Variants in SLC9A2 observed in about 807,000 individuals in gnomAD.
SLC9A2 encodes the protein solute carrier family 9 member A2.
In SLC9A2, 42 loss-of-function variants were observed where a neutral mutation model predicts 71.7. That is an observed-to-expected ratio of 0.59 (90% CI 0.46 to 0.76). The LOEUF is 0.76. Among genes scored for constraint, SLC9A2 ranks in the 30% least tolerant of loss-of-function variants. SLC9A2 has a pLI of 0.00. For missense variants in SLC9A2, 829 were observed against 1,017.4 expected (o/e 0.81, Z 2.52); for synonymous variants, 396 against 392.5 (o/e 1.01, Z -0.10).
rs1181531432 is a variant in SLC9A2 at position 102,619,709 on chromosome 2, G to C, written c.-140G>C. The C allele has an allele frequency of 1.5e-6, 1 of 686,498 alleles. No homozygotes were observed. Among genetic ancestry groups the C allele is most frequent in the East Asian group, 3.4e-5 (1 of 29,448 alleles). The allele number at this position is 686,498 out of a possible 1,614,324, so 42.5% of individuals were successfully genotyped here. On this transcript the variant is annotated 5_prime_UTR_variant, in exon 1 of 12. Coordinates refer to ENST00000233969, the MANE Select transcript of SLC9A2 (RefSeq NM_003048.6). This position sits in a 1 kb window ranked among gnomAD's most constrained non-coding sequence, Gnocchi z 4.3. ...CCTAGCCCTCTGGTTGCAGAGACCC[G>C]GTGCCGCAGCAGCGGCGGGTGGCTG...
intron 3 of SLC9A2, among the ~76,000 whole-genome samples, chr2:102,677,311 C>A (rs1677361444): frequency 6.6e-6 from 1 of 151,968 alleles, no homozygotes; most frequent in Admixed American, 6.6e-5. Flanking sequence ...AAAAAAAACT[C>A]TTTTGAGGTA....
At chr2:102,639,051 G>A (rs1360441390) in intron 1 of SLC9A2, among the ~76,000 whole-genome samples, 1 of 152,174 alleles carries the variant, frequency 6.6e-6, no homozygotes, top group Non-Finnish European at 1.5e-5. Flanking sequence ...AGATGTGCTG[G>A]TGTGCACCTG....
chr2:102,668,008 A>T (rs1053822843), intron 3 of SLC9A2, among the ~76,000 whole-genome samples: 1 of 152,124 alleles, frequency 6.6e-6, no homozygotes, highest in Non-Finnish European at 1.5e-5. Flanking sequence ...TGGGAAGTGG[A>T]GGTTGCAGTG....
chr2:102,643,628 T>A (rs2104509793), intron 1 of SLC9A2, among the ~76,000 whole-genome samples: 1 of 152,354 alleles, frequency 6.6e-6, no homozygotes, highest in African/African-American at 2.4e-5. Flanking sequence ...TCTTCTGCTA[T>A]CTTTCAGAGT....
chr2:102,653,859 T>C (rs1350871319), intron 1 of SLC9A2, among the ~76,000 whole-genome samples: 2 of 152,186 alleles, frequency 1.3e-5, no homozygotes, highest in Non-Finnish European at 1.5e-5. Flanking sequence ...TTCTTACATA[T>C]AGGAGGGGAA....
chr2:102,653,790 G>C (rs1676880197), intron 1 of SLC9A2, among the ~76,000 whole-genome samples: 1 of 152,172 alleles, frequency 6.6e-6, no homozygotes, highest in South Asian at 2.1e-4. Context: ...CCATTTTCCT[G>C]TTTGTCTCCA....
intron 1 of SLC9A2, among the ~76,000 whole-genome samples, chr2:102,625,108 C>T (rs111244017): frequency 0.014 from 2,158 of 152,194 alleles, 50 homozygotes; most frequent in African/African-American, 0.049. Flanking sequence ...ATTGGTTCCT[C>T]GTAAAGTTAA....
At position 102,708,190 on chromosome 2, in the gene SLC9A2, T is replaced by C. The variant is rs1324575386; in HGVS notation, c.2140T>C (p.Phe714Leu). 6.2e-7 allele frequency: 1 copy of C among 1,614,074 alleles called. No homozygotes were observed. Among genetic ancestry groups the C allele is most frequent in the African/African-American group, 1.3e-5 (1 of 74,922 alleles). Residue 714 changes from phenylalanine (F) to leucine (L), a missense_variant, in exon 12 of 12, where the codon TTC (phenylalanine) becomes CTC (leucine). This residue lies in a region of SLC9A2 where 223 missense variants were observed against 197.5 expected (regional missense o/e 1.13). Transcript: ENST00000233969. ...VLNLQPRARR[F>L]LPEQFSKKSP... ...CAATTTGCAGCCCAGAGCCAGGCGCTTCTTGCCAGAACAGTTCTCCAAGAA... is the reference window on the plus strand; with the variant it reads ...CAATTTGCAGCCCAGAGCCAGGCGCCTCTTGCCAGAACAGTTCTCCAAGAA...
chr2:102,651,141 G>T (rs898893422), intron 1 of SLC9A2, among the ~76,000 whole-genome samples: 1 of 151,916 alleles, frequency 6.6e-6, no homozygotes, highest in Non-Finnish European at 1.5e-5. Flanking sequence ...TCCCCCTCCT[G>T]CCCTACTCAC....
At chr2:102,701,937 G>T (rs1358869197) in intron 8 of SLC9A2, among the ~76,000 whole-genome samples, 2 of 152,138 alleles carry the variant, frequency 1.3e-5, no homozygotes, top group Admixed American at 6.5e-5. Context: ...TAGGTGAGGT[G>T]AGTTCATGAT....
chr2:102,648,459 C>T (rs1436521572), intron 1 of SLC9A2, among the ~76,000 whole-genome samples: 1 of 152,194 alleles, frequency 6.6e-6, no homozygotes, highest in Non-Finnish European at 1.5e-5. Flanking sequence ...TCTCTCGCCA[C>T]TCCCATTCAA....
At chr2:102,681,761 T>C (rs1483138208) in intron 3 of SLC9A2, among the ~76,000 whole-genome samples, 2 of 152,240 alleles carry the variant, frequency 1.3e-5, no homozygotes, top group East Asian at 1.9e-4. Flanking sequence ...AGTGACATGG[T>C]AGCTCAGTGT....
At chr2:102,632,015 TATATATATATATATATATATATAC>T (rs1676366245) in intron 1 of SLC9A2, among the ~76,000 whole-genome samples, 1 of 123,038 alleles carries the variant, frequency 8.1e-6, no homozygotes, top group African/African-American at 3.3e-5. Context: ...TATATATATA[TATATATATATATATATATATATAC>T]ATACACACAC....
In SLC9A2 at chr2:102,665,367, T is replaced by C. The variant is rs1677114774; in HGVS notation, c.1004+17T>C. 1 of 1,599,228 alleles carries C rather than the reference T, an allele frequency of 6.3e-7. No individual in the cohort carries two copies. The highest frequency in any genetic ancestry group is 8.6e-7 in the Non-Finnish European group (1 of 1,169,216). ...CATCATGGCGTAAGTACTTCTTTGT[T>C]AAAAGTGCTCGATGATGGCATTTCA... is the stretch of plus-strand genomic sequence containing the variant. On this transcript the variant is annotated intron_variant, in intron 3 of 11. Transcript: ENST00000233969.
rs373622533 is a variant in SLC9A2 at position 102,619,901 on chromosome 2, T to G, written c.53T>G (p.Leu18Arg). The change falls in exon 1 of 12, where the codon CTG becomes CGG. Residue 18 changes from leucine to arginine, a missense_variant. Around this residue, in one of 3 missense-constraint regions of SLC9A2, gnomAD observed 106 missense variants for 93.5 expected, o/e 1.13. Transcript: ENST00000233969. This position sits in a 1 kb window ranked among gnomAD's most constrained non-coding sequence, Gnocchi z 4.3. ...CTGCGGGCGCCACTGCCTCCGATGC[T>G]GTTGCTGCTGCTCCTGCAGGTGGCG... ...RSLRAPLPPM[L>R]LLLLLQVAGP... 4.0e-5 allele frequency: 63 copies of G among 1,592,156 alleles called. No homozygotes were observed. The African/African-American group carries it at 5.6e-4, about 14-fold the overall frequency.
intron 3 of SLC9A2, among the ~76,000 whole-genome samples, chr2:102,671,714 G>T (rs533918585): frequency 6.6e-6 from 1 of 152,220 alleles, no homozygotes; most frequent in Non-Finnish European, 1.5e-5. Flanking sequence ...ATAGTAGGTT[G>T]TCACTTCTTT....
chr2:102,625,930 C>A (rs1400375864), intron 1 of SLC9A2, among the ~76,000 whole-genome samples: 1 of 152,176 alleles, frequency 6.6e-6, no homozygotes, highest in South Asian at 2.1e-4. Context: ...AGTTTACAGT[C>A]CCACCAACAG....
At chr2:102,640,866 A>G (rs940775047) in intron 1 of SLC9A2, among the ~76,000 whole-genome samples, 2 of 152,328 alleles carry the variant, frequency 1.3e-5, no homozygotes, top group Non-Finnish European at 2.9e-5. Context: ...GCCACCAGTC[A>G]TCTCATTAGC....
At chr2:102,669,078 A>AG (rs1165820706) in intron 3 of SLC9A2, among the ~76,000 whole-genome samples, 1 of 152,232 alleles carries the variant, frequency 6.6e-6, no homozygotes, top group Non-Finnish European at 1.5e-5. Context: ...AGATGATGGA[A>AG]GCAGTGCACC....
Sources: gnomAD v4.1 joint callset for allele counts (sites outside exome capture counted in the v4.1 genomes callset) on GRCh38, gnomAD v4.1.1 for gene constraint, gnomAD v4.1.1 regional missense constraint, Gnocchi (gnomAD v3.1) non-coding constraint, MANE v1.5 for transcripts, NCBI Gene and HGNC (gene_info 2026-07-23, HGNC 2026-07-21) for gene names.